Variants in TEC observed in about 807,000 individuals in gnomAD.
The protein encoded by TEC is tyrosine-protein kinase Tec.
A neutral mutation model predicts 93.0 loss-of-function variants in TEC; 72 were observed. The ratio of observed to expected loss-of-function variants is 0.77; its 90% CI spans 0.64 to 0.94. The LOEUF is 0.94. Among genes scored for constraint, TEC ranks in the 40% least tolerant of loss-of-function variants. The pLI is 0.00. For synonymous variants in TEC, 249 were observed against 247.7 expected (o/e 1.01, Z -0.05); for missense variants, 630 against 757.9 (o/e 0.83, Z 1.98).
chr4:48,172,044 T>G (rs1023817008), intron 3 of TEC, among the ~76,000 whole-genome samples: 11 of 152,348 alleles, frequency 7.2e-5, no homozygotes, highest in Admixed American at 5.9e-4. Context: ...CCCCTGATGT[T>G]GCACTGCCTA....
At chr4:48,243,192 A>G (rs1723967219) in intron 1 of TEC, among the ~76,000 whole-genome samples, 1 of 151,882 alleles carries the variant, frequency 6.6e-6, no homozygotes, top group Non-Finnish European at 1.5e-5. Flanking sequence ...TTTTTTCCTG[A>G]TGTCACCTGA....
At chr4:48,208,531 A>G (rs552052979) in intron 2 of TEC, among the ~76,000 whole-genome samples, 3 of 151,486 alleles carry the variant, frequency 2.0e-5, no homozygotes, top group East Asian at 3.9e-4. Context: ...ATTCCACCTC[A>G]GTTCCTTTCC....
At position 48,138,707 on chromosome 4, in the gene TEC, C is replaced by T. The variant is rs144378805; in HGVS notation, c.1770G>A (p.Ala590=). ...RGHRLYQPKL[A]SNYVYEVMLR... The stretch of plus-strand genomic sequence containing the variant: ...GCATCACCTCATACACATAGTTGGA[C>T]GCCAACTTCGGCTGGTAGAGTCGGT... The change falls in exon 17 of 18, where the codon GCG becomes GCA. Residue 590 remains alanine, a synonymous_variant. Transcript: ENST00000381501. The T allele has an allele frequency of 5.8e-5, 93 of 1,614,040 alleles. No homozygotes were observed. Among genetic ancestry groups the T allele is most frequent in the African/African-American group, 1.9e-4 (14 of 75,052 alleles).
rs771264322 is a variant in TEC at position 48,167,747 on chromosome 4, T to C, written c.671+31A>G. 32 of 1,605,998 alleles carry C rather than the reference T, an allele frequency of 2.0e-5. No individual in the cohort carries two copies. In the South Asian group the frequency reaches 3.4e-4, roughly 17 times the overall value. ...CAACACTTGACTCCCACCTACCCAC[T>C]GCATATCACACACATAGAGGGAATA... is the stretch of plus-strand genomic sequence containing the variant. On this transcript the variant is annotated intron_variant, in intron 7 of 17. Transcript: ENST00000381501.
At chr4:48,169,477 G>T (rs1488562091) in intron 5 of TEC, among the ~76,000 whole-genome samples, 3 of 152,018 alleles carry the variant, frequency 2.0e-5, no homozygotes, top group Non-Finnish European at 4.4e-5. Context: ...AGGGTGCCAG[G>T]ACTCATAGAA....
intron 1 of TEC, among the ~76,000 whole-genome samples, chr4:48,252,271 A>G (rs1724224168): frequency 6.6e-6 from 1 of 152,240 alleles, no homozygotes; most frequent in Non-Finnish European, 1.5e-5. Context: ...ACTCAGCATT[A>G]GTGATGATGA....
At chr4:48,221,660 G>A (rs1320324404) in intron 2 of TEC, among the ~76,000 whole-genome samples, 1 of 152,060 alleles carries the variant, frequency 6.6e-6, no homozygotes, top group East Asian at 1.9e-4. Flanking sequence ...TTTTCATGGA[G>A]GCTTCACTAC....
At chr4:48,185,471 A>G (rs1290094445) in intron 2 of TEC, among the ~76,000 whole-genome samples, 4 of 152,236 alleles carry the variant, frequency 2.6e-5, no homozygotes, top group Non-Finnish European at 4.4e-5. Flanking sequence ...TGATTCTATG[A>G]GAAACTGCTG....
chr4:48,256,312 G>A (rs1340947939), intron 1 of TEC, among the ~76,000 whole-genome samples: 31 of 151,982 alleles, frequency 2.0e-4, no homozygotes, highest in African/African-American at 3.9e-4. Flanking sequence ...GGCCGGGCAC[G>A]GTGGCTCACA....
At chr4:48,203,452 C>A (rs992997472) in intron 2 of TEC, among the ~76,000 whole-genome samples, 1 of 152,152 alleles carries the variant, frequency 6.6e-6, no homozygotes, top group Non-Finnish European at 1.5e-5. Flanking sequence ...TACACAGAGC[C>A]CCCTGCAATG....
At chr4:48,198,000 C>T (rs183058435) in intron 2 of TEC, among the ~76,000 whole-genome samples, 345 of 152,354 alleles carry the variant, frequency 2.3e-3, no homozygotes, top group Non-Finnish European at 3.6e-3. Flanking sequence ...CATGCATTTT[C>T]TCTCTCTGCC....
intron 1 of TEC, among the ~76,000 whole-genome samples, chr4:48,236,901 C>A (rs1183426980): frequency 1.3e-5 from 2 of 152,184 alleles, no homozygotes; most frequent in East Asian, 3.8e-4. Context: ...ATGAAAAATT[C>A]TGCCTAAAAA....
At chr4:48,171,271 C>A in intron 4 of TEC, 97 bp downstream of exon 4, 1 of 943,346 alleles carries the variant, frequency 1.1e-6, no homozygotes. Context: ...TAAGAGATTA[C>A]AAATGCAATA....
chr4:48,176,114 C>T lies in TEC; in HGVS notation c.211G>A (p.Val71Ile). 1 of 1,613,698 alleles carries T rather than the reference C, an allele frequency of 6.2e-7. No individual in the cohort carries two copies. The highest frequency in any genetic ancestry group is 1.1e-5 in the South Asian group (1 of 91,070). Residue 71 changes from valine to isoleucine, a missense_variant, in exon 3 of 18, where the codon GTC becomes ATC. Physicochemically the swap from Val to Ile is conservative, Grantham distance 29. Transcript: ENST00000381501. ...CVEIVKNDDG[V>I]IPCQNKYPFQ... ...GGATACTTATTTTGACAGGGAATGA[C>T]ACCATCATCATTCTTCACTATTTCC...
intron 2 of TEC, among the ~76,000 whole-genome samples, chr4:48,201,661 A>G (rs1336741156): frequency 6.6e-6 from 1 of 152,182 alleles, no homozygotes; most frequent in Non-Finnish European, 1.5e-5. Flanking sequence ...TCTAAGAGCA[A>G]GGACACGGGC....
Position 48,138,802 on chromosome 4 carries a change from A to C in TEC, c.1675T>G (p.Phe559Val). The change falls in exon 17 of 18, where the codon TTC becomes GTC. Residue 559 changes from phenylalanine to valine, a missense_variant. By Grantham distance (50) the Phe-to-Val change is conservative. Coordinates refer to ENST00000381501, the MANE Select transcript of TEC (RefSeq NM_003215.3). ...WSFGVLMWEV[F>V]TEGRMPFEKY... is the part of the protein sequence containing the mutation. Reference sequence around the variant, plus strand: ...TCAAAAGGCATTCTGCCTTCCGTGAATACTTCCCACATTAAAACACCTGGA... The same window carrying C: ...TCAAAAGGCATTCTGCCTTCCGTGACTACTTCCCACATTAAAACACCTGGA... The C allele has an allele frequency of 6.2e-7, 1 of 1,613,916 alleles. No homozygotes were observed. Among genetic ancestry groups the C allele is most frequent in the Non-Finnish European group, 8.5e-7 (1 of 1,179,872 alleles).
chr4:48,188,873 ATG>A lies in TEC; in HGVS notation c.139-12689_139-12688del, dbSNP rs373806971. Among the ~76,000 whole-genome samples, 12 of 151,710 alleles carry A rather than the reference ATG, an allele frequency of 7.9e-5. No individual in the cohort carries two copies. In the South Asian group the frequency reaches 8.3e-4, roughly 10 times the overall value. ...GCAATATAACAAGGTGTGTGTGTGC[ATG>A]TGTGTGTGTGTGTGCGCGCCCATGC... On this transcript the variant is annotated intron_variant, in intron 2 of 17. Transcript: ENST00000381501.
intron 9 of TEC, among the ~76,000 whole-genome samples, chr4:48,155,357 TG>T (rs1486465866): frequency 6.6e-6 from 1 of 152,240 alleles, no homozygotes; most frequent in Non-Finnish European, 1.5e-5. Flanking sequence ...GTTGGAATGC[TG>T]GTAGGGACAA....
At position 48,156,734 on chromosome 4, in the gene TEC, T is replaced by C. The variant is rs748745349; in HGVS notation, c.738A>G (p.Glu246=). 1.2e-6 allele frequency: 2 copies of C among 1,606,416 alleles called. No individual in the cohort carries two copies. Among genetic ancestry groups the C allele is most frequent in the Non-Finnish European group, 1.7e-6 (2 of 1,177,708 alleles). ...GKKSNNLDQY[E]WYCRNMNRSK... ...TTCTATTCATATTTCTGCAATACCA[T>C]CTGAACAGAAAAAACAATACATTTC... The change falls in exon 9 of 18, where the codon GAA becomes GAG. Residue 246 remains glutamate (E), a splice_region_variant and synonymous_variant. Coordinates refer to ENST00000381501, the MANE Select transcript of TEC (RefSeq NM_003215.3).
Sources: allele counts gnomAD v4.1 joint callset (sites outside exome capture counted in the v4.1 genomes callset), GRCh38; gene constraint gnomAD v4.1.1; transcripts MANE v1.5; gene names NCBI Gene and HGNC (gene_info 2026-07-23, HGNC 2026-07-21).